Variants in DPP10 observed in about 807,000 individuals in gnomAD.
DPP10 encodes dipeptidyl peptidase like 10, also known as inactive dipeptidyl peptidase 10.
In DPP10, 33 loss-of-function variants were observed where a neutral mutation model predicts 120.9. The observed-to-expected ratio is 0.27, with a 90% CI of 0.21 to 0.37. The LOEUF (loss-of-function observed/expected upper bound fraction) is 0.37, where lower values mean the gene tolerates loss of function less well. Ranked by LOEUF, DPP10 falls within the 10% of genes least tolerant of loss-of-function variation. The pLI is 1.00. For synonymous variants in DPP10, 337 were observed against 326.1 expected (o/e 1.03, Z -0.36); for missense variants, 816 against 942.8 (o/e 0.87, Z 1.76).
intron 1 of DPP10, among the ~76,000 whole-genome samples, chr2:115,233,313 C>G (rs2057833302): frequency 6.6e-6 from 1 of 151,874 alleles, no homozygotes; most frequent in African/African-American, 2.4e-5. Context: ...ACTGTGCTTC[C>G]CGAAAGAAAA....
At chr2:115,615,234 A>G (rs984271590) in intron 5 of DPP10, among the ~76,000 whole-genome samples, 30 of 152,180 alleles carry the variant, frequency 2.0e-4, no homozygotes, top group African/African-American at 7.2e-4. Flanking sequence ...ACAGCTGGAT[A>G]AGTGGGTAAC....
chr2:115,441,836 T>TTTTG (rs1558664743), intron 3 of DPP10, among the ~76,000 whole-genome samples: 5 of 141,248 alleles, frequency 3.5e-5, no homozygotes, highest in Non-Finnish European at 3.0e-5. Flanking sequence ...TTTTTTTTTT[T>TTTTG]GACAGAGTCT....
chr2:114,469,057 G>C (rs113968183), intron 1 of DPP10, among the ~76,000 whole-genome samples: 89 of 152,282 alleles, frequency 5.8e-4, no homozygotes, highest in African/African-American at 2.0e-3. Flanking sequence ...TTTTTCGATA[G>C]GCATGCAAGA....
intron 1 of DPP10, among the ~76,000 whole-genome samples, chr2:114,997,405 T>C (rs538033333): frequency 2.0e-5 from 3 of 151,278 alleles, no homozygotes; most frequent in African/African-American, 7.3e-5. Flanking sequence ...GGCAGAAGGA[T>C]TGCTTGAACC....
In DPP10 at chr2:115,489,873, C is replaced by T. The variant is rs189222348; in HGVS notation, c.272-9637C>T. ...GCTGACAGTCTGACAACTTTAATGT[C>T]TGAAAAGAGACATTTACCATCTATT... On this transcript the variant is annotated intron_variant, in intron 3 of 25. Coordinates refer to ENST00000410059, the MANE Select transcript of DPP10 (RefSeq NM_020868.6). Among the ~76,000 whole-genome samples, 1,125 of 152,164 alleles carry T rather than the reference C, an allele frequency of 7.4e-3. 6 individuals carry two copies. The highest frequency in any genetic ancestry group is 0.025 in the African/African-American group (1,030 of 41,522).
At chr2:115,828,740 T>A (rs974973699) in intron 21 of DPP10, among the ~76,000 whole-genome samples, 1 of 152,142 alleles carries the variant, frequency 6.6e-6, no homozygotes, top group South Asian at 2.1e-4. Context: ...TTTGTCTATA[T>A]TTTTAGTCAT....
At chr2:115,160,643 A>G (rs1413930134) in intron 1 of DPP10, among the ~76,000 whole-genome samples, 2 of 152,074 alleles carry the variant, frequency 1.3e-5, no homozygotes, top group African/African-American at 4.8e-5. Flanking sequence ...ATCTTCCACA[A>G]CCTGTGCCTG....
At chr2:115,280,589 A>T (rs573172430) in intron 1 of DPP10, among the ~76,000 whole-genome samples, 1 of 152,306 alleles carries the variant, frequency 6.6e-6, no homozygotes, top group East Asian at 1.9e-4. Flanking sequence ...AAAAAGCAAG[A>T]TGTCATATGT....
chr2:114,813,274 A>G (rs901537828), intron 1 of DPP10, among the ~76,000 whole-genome samples: 24 of 152,318 alleles, frequency 1.6e-4, no homozygotes, highest in African/African-American at 5.8e-4. Context: ...GAAGGAAGGA[A>G]TTAACAAACT....
intron 1 of DPP10, among the ~76,000 whole-genome samples, chr2:115,002,082 A>G (rs1474757674): frequency 2.6e-5 from 4 of 152,218 alleles, no homozygotes; most frequent in African/African-American, 9.7e-5. Flanking sequence ...AGGCAATCCT[A>G]AGCAAAAGGA....
chr2:114,809,074 G>A (rs1684976262), intron 1 of DPP10, among the ~76,000 whole-genome samples: 1 of 152,086 alleles, frequency 6.6e-6, no homozygotes, highest in South Asian at 2.1e-4. Flanking sequence ...TGTGATAATA[G>A]GTGTTATGTT....
chr2:115,029,167 TTAAG>T (rs1703671886), intron 1 of DPP10, among the ~76,000 whole-genome samples: 1 of 152,090 alleles, frequency 6.6e-6, no homozygotes, highest in African/African-American at 2.4e-5. Flanking sequence ...TCCTTTGTGG[TTAAG>T]TGTTTTTCTC....
At chr2:115,576,391 T>A (rs1390019695) in intron 5 of DPP10, among the ~76,000 whole-genome samples, 1 of 152,198 alleles carries the variant, frequency 6.6e-6, no homozygotes, top group Non-Finnish European at 1.5e-5. Flanking sequence ...AAAGTCTTAA[T>A]GAAAAGTCAG....
At chr2:114,518,337 C>T (rs908203088) in intron 1 of DPP10, among the ~76,000 whole-genome samples, 3 of 152,096 alleles carry the variant, frequency 2.0e-5, no homozygotes, top group African/African-American at 4.8e-5. Flanking sequence ...CTCGGCCTCC[C>T]AACGTGCTAG....
intron 1 of DPP10, among the ~76,000 whole-genome samples, chr2:114,876,707 ACT>A (rs774669768): frequency 4.6e-5 from 7 of 151,892 alleles, no homozygotes; most frequent in Non-Finnish European, 8.8e-5. Flanking sequence ...AGTCCAACTA[ACT>A]CTGCTTCCAA....
intron 5 of DPP10, among the ~76,000 whole-genome samples, chr2:115,687,485 G>GGATAGATA (rs3043901): frequency 0.19 from 27,417 of 146,888 alleles, 2,738 homozygotes; most frequent in South Asian, 0.24. Context: ...ATGGATGGAT[G>GGATAGATA]GATAGATAGA....
At chr2:115,508,678 G>T (rs1443476108) in intron 4 of DPP10, among the ~76,000 whole-genome samples, 1 of 152,160 alleles carries the variant, frequency 6.6e-6, no homozygotes, top group African/African-American at 2.4e-5. Context: ...CCTGAGGCAG[G>T]TGGATCACAA....
intron 4 of DPP10, among the ~76,000 whole-genome samples, chr2:115,518,073 A>C (rs549790191): frequency 5.9e-5 from 9 of 152,182 alleles, no homozygotes; most frequent in Non-Finnish European, 1.2e-4. Context: ...GCTCTTTTTA[A>C]CAACCAGCTC....
intron 1 of DPP10, among the ~76,000 whole-genome samples, chr2:115,129,199 T>A (rs1050386763): frequency 3.9e-5 from 6 of 152,194 alleles, no homozygotes; most frequent in Admixed American, 6.5e-5. Context: ...GCAGCCTCAT[T>A]TTTCCCTCTG....
Sources: allele counts gnomAD v4.1 joint callset (sites outside exome capture counted in the v4.1 genomes callset), GRCh38; gene constraint gnomAD v4.1.1; transcripts MANE v1.5; gene names NCBI Gene and HGNC (gene_info 2026-07-23, HGNC 2026-07-21).